Variants in LRBA observed in about 807,000 individuals in gnomAD.
The protein encoded by LRBA is LPS responsive beige-like anchor protein.
Under a neutral mutation model 330.0 loss-of-function variants are expected in LRBA, and 176 were observed. The ratio of observed to expected loss-of-function variants is 0.53; its 90% CI spans 0.47 to 0.60. The LOEUF (loss-of-function observed/expected upper bound fraction) is 0.60. Among genes scored for constraint, LRBA ranks in the 20% least tolerant of loss-of-function variants. The pLI is 0.00. For missense variants in LRBA, 3,259 were observed against 3,444.8 expected (o/e 0.95, Z 1.35); for synonymous variants, 1,230 against 1,193.0 (o/e 1.03, Z -0.64).
chr4:150,799,450 T>C (rs1741270862), intron 33 of LRBA, among the ~76,000 whole-genome samples: 2 of 152,184 alleles, frequency 1.3e-5, no homozygotes, highest in Admixed American at 1.3e-4. Context: ...CTTGCCATTT[T>C]TCCTTAAATT....
chr4:150,314,668 C>T (rs1019199280), intron 51 of LRBA: 2 of 152,134 alleles, frequency 1.3e-5, no homozygotes, highest in Admixed American at 1.3e-4. Flanking sequence ...TAGCATTACA[C>T]CACAGGTAGG....
intron 40 of LRBA, among the ~76,000 whole-genome samples, chr4:150,505,588 G>C (rs1378189232): frequency 6.6e-6 from 1 of 152,192 alleles, no homozygotes; most frequent in Non-Finnish European, 1.5e-5. Context: ...GCAGTGTGTA[G>C]AGGGAAATTT....
chr4:150,563,900 G>A (rs747295040), intron 40 of LRBA, among the ~76,000 whole-genome samples: 9 of 152,148 alleles, frequency 5.9e-5, no homozygotes, highest in Non-Finnish European at 1.2e-4. Context: ...CAAACAAATG[G>A]AAGAACATTC....
intron 5 of LRBA, 151 bp downstream of exon 5, chr4:150,921,047 A>C (rs1733198007): frequency 2.0e-6 from 1 of 503,098 alleles, no homozygotes; most frequent in African/African-American, 1.9e-5. Context: ...ATTACAAAAA[A>C]GTAACATGCA....
In LRBA at chr4:150,933,320, G is replaced by A. The variant is rs146399959; in HGVS notation, c.217-4255C>T. ...CAAGAATTGCTTGATCCCAGGAAGCGGAGGTTGCAGTGAGTCACCTGGGCA... is the reference window on the plus strand; with the variant it reads ...CAAGAATTGCTTGATCCCAGGAAGCAGAGGTTGCAGTGAGTCACCTGGGCA... On this transcript the variant is annotated intron_variant, in intron 2 of 56. Transcript: ENST00000651943. 6.8e-3 allele frequency among the ~76,000 whole-genome samples: 1,028 copies of A among 151,520 alleles called. 14 individuals carry two copies. The highest frequency in any genetic ancestry group is 0.024 in the Middle Eastern group (7 of 294).
chr4:150,831,171 C>G (rs976544007), intron 29 of LRBA, among the ~76,000 whole-genome samples: 1 of 151,698 alleles, frequency 6.6e-6, no homozygotes, highest in Non-Finnish European at 1.5e-5. Flanking sequence ...CCTGGTCATT[C>G]CTGATATTTT....
chr4:150,404,263 C>T (rs1221963428), intron 47 of LRBA, among the ~76,000 whole-genome samples: 3 of 152,012 alleles, frequency 2.0e-5, no homozygotes, highest in African/African-American at 7.3e-5. Context: ...AAAAACTGCT[C>T]TAAAATGAAT....
chr4:150,281,809 C>G (rs1747570335), intron 55 of LRBA, among the ~76,000 whole-genome samples: 1 of 152,196 alleles, frequency 6.6e-6, no homozygotes, highest in African/African-American at 2.4e-5. Flanking sequence ...ATAGTTCTTA[C>G]TCTTTTTCTC....
At chr4:150,606,547 T>C (rs1292317684) in intron 37 of LRBA, among the ~76,000 whole-genome samples, 1 of 152,132 alleles carries the variant, frequency 6.6e-6, no homozygotes, top group Non-Finnish European at 1.5e-5. Context: ...TAAGTTAAAA[T>C]AGACTATATT....
At chr4:150,389,937 C>T (rs1214524069) in intron 47 of LRBA, among the ~76,000 whole-genome samples, 1 of 130,506 alleles carries the variant, frequency 7.7e-6, no homozygotes, top group African/African-American at 2.8e-5. Flanking sequence ...TTTTTTTTGC[C>T]AGTGGATGAG....
chr4:150,544,458 G>A (rs1375459864), intron 40 of LRBA, among the ~76,000 whole-genome samples: 1 of 152,076 alleles, frequency 6.6e-6, no homozygotes, highest in Admixed American at 6.6e-5. Context: ...CCTAAGCCTG[G>A]AATACAATAA....
At chr4:150,770,256 C>G (rs1375006715) in intron 34 of LRBA, among the ~76,000 whole-genome samples, 1 of 152,158 alleles carries the variant, frequency 6.6e-6, no homozygotes, top group Non-Finnish European at 1.5e-5. Context: ...AAGTTTTAGA[C>G]AGCAGATCAT....
chr4:150,636,523 T>C (rs1383348423), intron 37 of LRBA, among the ~76,000 whole-genome samples: 2 of 152,152 alleles, frequency 1.3e-5, no homozygotes, highest in Non-Finnish European at 2.9e-5. Flanking sequence ...GTCCTGGAAG[T>C]AGCCATTGCT....
chr4:150,393,722 G>C (rs1227677707), intron 47 of LRBA, among the ~76,000 whole-genome samples: 3 of 152,178 alleles, frequency 2.0e-5, no homozygotes, highest in Non-Finnish European at 4.4e-5. Flanking sequence ...CTGGCCTGAA[G>C]TCATCCTCCC....
intron 53 of LRBA, among the ~76,000 whole-genome samples, chr4:150,288,379 G>A (rs1176337925): frequency 6.6e-6 from 1 of 152,026 alleles, no homozygotes. Flanking sequence ...AGGCCAAGGT[G>A]GGCAGATCAC....
At chr4:150,742,454 A>AT (rs1447017157) in intron 35 of LRBA, among the ~76,000 whole-genome samples, 1 of 151,968 alleles carries the variant, frequency 6.6e-6, no homozygotes, top group Admixed American at 6.6e-5. Context: ...TGCAAGGATT[A>AT]TTTTTTTAAA....
chr4:150,583,824 C>G lies in LRBA; in HGVS notation c.6330+4224G>C, dbSNP rs748345446. On this transcript the variant is annotated intron_variant, in intron 40 of 56. Transcript: ENST00000651943. The surrounding 1 kb of genome is among the most constrained non-coding windows in gnomAD (Gnocchi z 9.8). ...TGCGGGACCGCCACCTGGAGCTACC[C>G]GGCCAGCCGCTCAACAACTACCACA... is the stretch of plus-strand genomic sequence containing the variant. 2 of 1,614,202 alleles carry G rather than the reference C, an allele frequency of 1.2e-6. No individual in the cohort carries two copies.
At chr4:150,973,683 T>C (rs759525915) in intron 2 of LRBA, among the ~76,000 whole-genome samples, 29 of 152,188 alleles carry the variant, frequency 1.9e-4, no homozygotes, top group African/African-American at 6.8e-4. Flanking sequence ...AGTTAGGCTA[T>C]TGATTCTGTT....
rs34393177 is a variant in LRBA at position 150,803,075 on chromosome 4, AAT to A, written c.5518+3194_5518+3195del. Among the ~76,000 whole-genome samples the A allele has an allele frequency of 8.1e-4, 105 of 129,908 alleles. 1 individual carries two copies. Among genetic ancestry groups the A allele is most frequent in the African/African-American group, 3.0e-3 (102 of 34,180 alleles). The allele number at this position is 129,908 out of a possible 152,430, so 85.2% of individuals were successfully genotyped here. On this transcript the variant is annotated intron_variant, in intron 33 of 56. Transcript: ENST00000651943. Reference sequence around the variant, plus strand: ...CAAAAACAAAAACAAACAAAAAAAAAATATATATACACACACACACACACACA... The same window carrying A: ...CAAAAACAAAAACAAACAAAAAAAAAATATATACACACACACACACACACA...
Sources: gnomAD v4.1 joint callset for allele counts (sites outside exome capture counted in the v4.1 genomes callset) on GRCh38, gnomAD v4.1.1 for gene constraint, Gnocchi (gnomAD v3.1) non-coding constraint, MANE v1.5 for transcripts, NCBI Gene and HGNC (gene_info 2026-07-23, HGNC 2026-07-21) for gene names.